The following ZNF709 variants were observed in gnomAD, a reference collection of about 807,000 sequenced individuals.
The protein encoded by ZNF709 is zinc finger protein 709.
Under a neutral mutation model 10.6 loss-of-function variants are expected in ZNF709, and 15 were observed. That is an observed-to-expected ratio of 1.41 (90% CI 0.95 to 2.18). ZNF709 has a LOEUF of 2.18. ZNF709 is among the 30% of genes most tolerant of loss of function. The probability of loss-of-function intolerance (pLI) is 0.00; values close to 1 mark genes in which losing one functional copy is unlikely to be tolerated. For missense variants in ZNF709, 589 were observed against 774.0 expected, an observed-to-expected ratio of 0.76 and a Z score of 2.84; for synonymous variants, 194 against 238.8, an observed-to-expected ratio of 0.81 and a Z score of 1.73.
intron 1 of ZNF709, among the ~76,000 whole-genome samples, chr19:12,468,903 C>T (rs1346382878): frequency 1.3e-5 from 2 of 151,712 alleles, no homozygotes; most frequent in African/African-American, 4.8e-5. Flanking sequence ...TGCAGTGGCG[C>T]GATCTCAGCT....
At chr19:12,480,773 T>C (rs1227090374) in intron 1 of ZNF709, among the ~76,000 whole-genome samples, 1 of 152,248 alleles carries the variant, frequency 6.6e-6, no homozygotes, top group African/African-American at 2.4e-5. Flanking sequence ...TGAGGTTTTT[T>C]CGTTTTTGTT....
chr19:12,469,685 C>T (rs1970618722), intron 1 of ZNF709, among the ~76,000 whole-genome samples: 1 of 151,974 alleles, frequency 6.6e-6, no homozygotes, highest in African/African-American at 2.4e-5. Flanking sequence ...AGGAGAATGG[C>T]GTGAACCTGG....
At chr19:12,475,299 A>T (rs893580807) in intron 1 of ZNF709, among the ~76,000 whole-genome samples, 2 of 149,908 alleles carry the variant, frequency 1.3e-5, no homozygotes, top group African/African-American at 4.9e-5. Context: ...CATCTACATG[A>T]GGAAAGCAAG....
Position 12,461,398 on chromosome 19 carries a change from C to T in ZNF709, c.*2598G>A, listed in dbSNP as rs1202814899. On this transcript the variant is annotated 3_prime_UTR_variant, in exon 4 of 4. Transcript: ENST00000397732. ...GACATTCAACTGTAATAGGAAACAC[C>T]GACAATCTGCTTGATATTAGGAAGG... The T allele has an allele frequency of 2.0e-5, 3 of 151,942 alleles. No homozygotes were observed. The highest frequency in any genetic ancestry group is 6.6e-5 in the Admixed American group (1 of 15,258). The allele number at this position is 151,942 out of a possible 1,614,324, so 9.4% of individuals were successfully genotyped here.
At position 12,464,557 on chromosome 19, in the gene ZNF709, T is replaced by G; in HGVS notation, c.1365A>C (p.Lys455Asn). ...EKPYECKQCG[K>N]AFSCSSSFRM... is the part of the protein sequence containing the mutation. ...GAAAGGAACTGGAACAACTGAAGGCTTTACCACACTGTTTACATTCATAGG... is the reference window on the plus strand; with the variant it reads ...GAAAGGAACTGGAACAACTGAAGGCGTTACCACACTGTTTACATTCATAGG... Residue 455 changes from lysine (K) to asparagine (N), a missense_variant, in exon 4 of 4, where the codon AAA becomes AAC. Physicochemically the swap from Lys to Asn is moderately conservative, Grantham distance 94. Around this residue, in one of 2 missense-constraint regions of ZNF709, gnomAD observed 171 missense variants for 277.7 expected, o/e 0.62. Transcript: ENST00000397732. 1 of 1,608,650 alleles carries G rather than the reference T, an allele frequency of 6.2e-7. No homozygotes were observed. Among genetic ancestry groups the G allele is most frequent in the Non-Finnish European group, 8.5e-7 (1 of 1,178,298 alleles).
intron 1 of ZNF709, among the ~76,000 whole-genome samples, chr19:12,471,137 G>T (rs368273712): frequency 8.5e-5 from 13 of 152,204 alleles, no homozygotes; most frequent in African/African-American, 3.1e-4. Flanking sequence ...ACAACTTGTT[G>T]CTTGGGGAAT....
chr19:12,465,453 T>C lies in ZNF709; in HGVS notation c.469A>G (p.Ile157Val). The C allele has an allele frequency of 1.9e-6, 3 of 1,611,410 alleles. No homozygotes were observed. The highest frequency in any genetic ancestry group is 2.5e-6 in the Non-Finnish European group (3 of 1,179,112). Reference sequence around the variant, plus strand: ...TCTCCAGTGTGAGTTCTTTCATGTATTCGAAATGAACTTCGAAAGCTGAAT... The same window carrying C: ...TCTCCAGTGTGAGTTCTTTCATGTACTCGAAATGAACTTCGAAAGCTGAAT... ...KRFSFRSSFRIHERTHTGEKP... is the reference protein window; with the variant it reads ...KRFSFRSSFRVHERTHTGEKP... Residue 157 changes from isoleucine to valine, a missense_variant, in exon 4 of 4, where the codon ATA becomes GTA. Ile to Val is a conservative substitution (Grantham distance 29). Around this residue, in one of 2 missense-constraint regions of ZNF709, gnomAD observed 418 missense variants for 496.3 expected, o/e 0.84. Transcript: ENST00000397732.
At chr19:12,480,147 CCT>C (rs1358001309) in intron 1 of ZNF709, among the ~76,000 whole-genome samples, 1 of 151,248 alleles carries the variant, frequency 6.6e-6, no homozygotes, top group Non-Finnish European at 1.5e-5. Context: ...AGAGCGAGAC[CCT>C]GTTTTTTAAA....
At chr19:12,470,191 G>A (rs1165416689) in intron 1 of ZNF709, among the ~76,000 whole-genome samples, 1 of 152,106 alleles carries the variant, frequency 6.6e-6, no homozygotes, top group Non-Finnish European at 1.5e-5. Context: ...GAATCCCTCA[G>A]TGGCATAATT....
chr19:12,470,675 C>T (rs1970627459), intron 1 of ZNF709, among the ~76,000 whole-genome samples: 1 of 152,020 alleles, frequency 6.6e-6, no homozygotes, highest in South Asian at 2.1e-4. Context: ...ACGCTGTAAT[C>T]CCAGCACTTT....
In ZNF709 at chr19:12,462,383, C is replaced by A. The variant is rs1339427381; in HGVS notation, c.*1613G>T. ...GTTAGATTATAGAAAACATAGGTCACAACATAACCCATGTTAACACAATCC... is the reference window on the plus strand; with the variant it reads ...GTTAGATTATAGAAAACATAGGTCAAAACATAACCCATGTTAACACAATCC... On this transcript the variant is annotated 3_prime_UTR_variant, in exon 4 of 4. Coordinates refer to ENST00000397732, the MANE Select transcript of ZNF709 (RefSeq NM_152601.4). The A allele has an allele frequency of 6.6e-6, 1 of 152,200 alleles. No individual in the cohort carries two copies. Among genetic ancestry groups the A allele is most frequent in the East Asian group, 1.9e-4 (1 of 5,196 alleles). The allele number at this position is 152,200 out of a possible 1,614,324, so 9.4% of individuals were successfully genotyped here.
chr19:12,480,623 C>A (rs1290822978), intron 1 of ZNF709, among the ~76,000 whole-genome samples: 1 of 148,630 alleles, frequency 6.7e-6, no homozygotes, highest in Non-Finnish European at 1.5e-5. Flanking sequence ...GCAGAGCTTG[C>A]GGTGAGCCGA....
chr19:12,465,941 CTTTTT>C (rs67044147), intron 3 of ZNF709, among the ~76,000 whole-genome samples: 3 of 136,320 alleles, frequency 2.2e-5, no homozygotes, highest in Admixed American at 7.4e-5. Context: ...GAGTTTATTT[CTTTTT>C]TTTTTTTTTT....
At chr19:12,467,838 G>C (rs867902846) in intron 1 of ZNF709, among the ~76,000 whole-genome samples, 2 of 149,428 alleles carry the variant, frequency 1.3e-5, no homozygotes, top group African/African-American at 4.9e-5. Flanking sequence ...CCGCAACCCC[G>C]TCTGAGAAGT....
rs149369956 is a variant in ZNF709 at position 12,475,113 on chromosome 19, C to G, written c.4-8263G>C. Among the ~76,000 whole-genome samples, 947 of 151,864 alleles carry G rather than the reference C, an allele frequency of 6.2e-3. 8 individuals carry two copies. The highest frequency in any genetic ancestry group is 0.022 in the African/African-American group (903 of 41,412). On this transcript the variant is annotated intron_variant, in intron 1 of 3. Coordinates refer to ENST00000397732, the MANE Select transcript of ZNF709 (RefSeq NM_152601.4). ...TTTCTACTAAAAATACAAAAATTAGCCGGGCATGGTGGTGGGCACCTGTAG... is the reference window on the plus strand; with the variant it reads ...TTTCTACTAAAAATACAAAAATTAGGCGGGCATGGTGGTGGGCACCTGTAG...
chr19:12,483,501 A>G (rs1312301658), intron 1 of ZNF709, among the ~76,000 whole-genome samples: 1 of 151,502 alleles, frequency 6.6e-6, no homozygotes, highest in Non-Finnish European at 1.5e-5. Flanking sequence ...GCCTCTTTGG[A>G]AATATTTTAC....
At chr19:12,483,436 G>A (rs1318523214) in intron 1 of ZNF709, among the ~76,000 whole-genome samples, 3 of 151,638 alleles carry the variant, frequency 2.0e-5, no homozygotes, top group Non-Finnish European at 4.4e-5. Context: ...TTACAGGCGT[G>A]AGCCAACGCT....
At position 12,463,943 on chromosome 19, in the gene ZNF709, A is replaced by AG; in HGVS notation, c.*52_*53insC. ...ATTCAACTCAAAAAAAAAAAAAAAA[A>AG]AAAAGGAAATAGGACAACTGAAAAC... is the stretch of plus-strand genomic sequence containing the variant. On this transcript the variant is annotated 3_prime_UTR_variant, in exon 4 of 4. Coordinates refer to ENST00000397732, the MANE Select transcript of ZNF709 (RefSeq NM_152601.4). The AG allele has an allele frequency of 7.5e-7, 1 of 1,339,842 alleles. No homozygotes were observed. Among genetic ancestry groups the AG allele is most frequent in the Non-Finnish European group, 9.8e-7 (1 of 1,024,242 alleles). The allele number at this position is 1,339,842 out of a possible 1,614,324, so 83.0% of individuals were successfully genotyped here. A position where few individuals can be genotyped will look rare whatever the true frequency, so the allele number is the denominator to read the frequency against.
intron 1 of ZNF709, among the ~76,000 whole-genome samples, chr19:12,472,882 C>CA (rs752047494): frequency 0.026 from 3,513 of 134,188 alleles, 47 homozygotes; most frequent in Non-Finnish European, 0.034. Context: ...GACTCTGTCT[C>CA]AAAAAAAAAA....
Sources: gnomAD v4.1 joint callset for allele counts (sites outside exome capture counted in the v4.1 genomes callset) on GRCh38, gnomAD v4.1.1 for gene constraint, gnomAD v4.1.1 regional missense constraint, MANE v1.5 for transcripts, NCBI Gene and HGNC (gene_info 2026-07-23, HGNC 2026-07-21) for gene names.